Variants in MAD1L1 observed in about 807,000 individuals in gnomAD.
MAD1L1 encodes the protein mitotic spindle assembly checkpoint protein MAD1.
A neutral mutation model predicts 96.9 loss-of-function variants in MAD1L1; 95 were observed. The observed-to-expected ratio is 0.98, with a 90% CI of 0.83 to 1.16. The LOEUF is 1.16. Among genes scored for constraint, MAD1L1 ranks in the 50% most tolerant of loss-of-function variants. The pLI, the probability that MAD1L1 is intolerant of heterozygous loss-of-function variation, is 0.00. For synonymous variants in MAD1L1, 473 were observed against 396.6 expected (o/e 1.19, Z -2.29); for missense variants, 1,007 against 954.4 (o/e 1.06, Z -0.73).
At chr7:2,186,951 G>A (rs1024928045) in intron 10 of MAD1L1, among the ~76,000 whole-genome samples, 24 of 151,746 alleles carry the variant, frequency 1.6e-4, no homozygotes, top group African/African-American at 1.5e-4. Context: ...GCGCCACCAC[G>A]CCCGGCGAAT....
intron 13 of MAD1L1, among the ~76,000 whole-genome samples, chr7:2,007,387 C>A (rs968519100): frequency 2.6e-5 from 4 of 152,246 alleles, no homozygotes; most frequent in African/African-American, 4.8e-5. Context: ...CTGGCAATGT[C>A]TTAAGAAGTT....
intron 18 of MAD1L1, among the ~76,000 whole-genome samples, chr7:1,837,886 T>C (rs1422435232): frequency 1.3e-5 from 2 of 152,160 alleles, no homozygotes; most frequent in African/African-American, 2.4e-5. Context: ...TGGTAGCTCA[T>C]CAATAACGCA....
At chr7:1,895,614 C>T (rs1181280533) in intron 18 of MAD1L1, among the ~76,000 whole-genome samples, 2 of 152,360 alleles carry the variant, frequency 1.3e-5, no homozygotes, top group East Asian at 3.9e-4. Flanking sequence ...TGACACTGTC[C>T]ACCTGAGCCA....
chr7:1,818,844 C>T lies in MAD1L1; in HGVS notation c.1999-2616G>A, dbSNP rs115690250. Among the ~76,000 whole-genome samples, 1,214 of 148,542 alleles carry T rather than the reference C, an allele frequency of 8.2e-3. 21 individuals carry two copies. Among genetic ancestry groups the T allele is most frequent in the South Asian group, 0.049 (224 of 4,584 alleles). Reference sequence around the variant, plus strand: ...CTGGAAGAATGATGCCCTAATATACCGCGCTGCCCTCCAGGTGGGGGTGGG... The same window carrying T: ...CTGGAAGAATGATGCCCTAATATACTGCGCTGCCCTCCAGGTGGGGGTGGG... On this transcript the variant is annotated intron_variant, in intron 18 of 18. Transcript: ENST00000265854.
chr7:2,203,724 G>A (rs1792436864), intron 10 of MAD1L1, among the ~76,000 whole-genome samples: 1 of 152,206 alleles, frequency 6.6e-6, no homozygotes, highest in African/African-American at 2.4e-5. Flanking sequence ...AACTGTGGAA[G>A]GAGCCCCAAT....
intron 10 of MAD1L1, chr7:2,175,527 C>T (rs1243328122): frequency 6.8e-6 from 1 of 147,470 alleles, no homozygotes; most frequent in East Asian, 2.0e-4. Context: ...ACCCACCACA[C>T]TTCTCACTGC....
At chr7:1,972,520 C>T (rs1022286634) in intron 15 of MAD1L1, among the ~76,000 whole-genome samples, 2 of 152,044 alleles carry the variant, frequency 1.3e-5, no homozygotes, top group East Asian at 1.9e-4. Context: ...TAGTGATGGC[C>T]CCTATTTCAT....
chr7:1,891,623 G>A (rs1297278714), intron 18 of MAD1L1, among the ~76,000 whole-genome samples: 5 of 152,184 alleles, frequency 3.3e-5, no homozygotes, highest in Non-Finnish European at 5.9e-5. Context: ...TGTCACCCAG[G>A]CTAGAGTGCG....
intron 11 of MAD1L1, among the ~76,000 whole-genome samples, chr7:2,096,156 G>C (rs910885241): frequency 6.6e-6 from 1 of 152,246 alleles, no homozygotes; most frequent in African/African-American, 2.4e-5. Flanking sequence ...GTGCTCAGAA[G>C]AAAGGTGAAT....
At chr7:1,964,090 T>C (rs4721253) in intron 15 of MAD1L1, among the ~76,000 whole-genome samples, 149,717 of 152,272 alleles carry the variant, frequency 0.98, 73,647 homozygotes, top group Middle Eastern at 1. Context: ...ATCACAGAGC[T>C]GGTAAGGGGC....
chr7:2,118,489 G>C (rs117480587), intron 11 of MAD1L1, among the ~76,000 whole-genome samples: 1 of 152,346 alleles, frequency 6.6e-6, no homozygotes, highest in East Asian at 1.9e-4. Context: ...ACAGGGGTCT[G>C]CCCAGCATCC....
intron 14 of MAD1L1, among the ~76,000 whole-genome samples, chr7:1,990,778 A>G (rs1781373732): frequency 1.6e-5 from 2 of 125,254 alleles, no homozygotes; most frequent in African/African-American, 3.1e-5. Flanking sequence ...TGGCCTCACG[A>G]GCACCGCTGG....
In MAD1L1 at chr7:2,230,052, C is replaced by T; in HGVS notation, c.82G>A (p.Gly28Ser). The T allele has an allele frequency of 6.2e-7, 1 of 1,613,750 alleles. No individual in the cohort carries two copies. Among genetic ancestry groups the T allele is most frequent in the East Asian group, 2.2e-5 (1 of 44,876 alleles). The change falls in exon 3 of 19, where the codon GGC becomes AGC. Residue 28 changes from glycine to serine, a missense_variant. Physicochemically the swap from Gly to Ser is moderately conservative, Grantham distance 56. Coordinates refer to ENST00000265854, the MANE Select transcript of MAD1L1 (RefSeq NM_001013836.2). ...GAGGTAGAAATATCCAGTCCAGAGC[C>T]TCCCTCCACACGCTGAGAGATGAAG... ...NNFISQRVEG[G>S]SGLDISTSAP...
intron 18 of MAD1L1, among the ~76,000 whole-genome samples, chr7:1,844,017 G>A (rs1194058421): frequency 6.6e-6 from 1 of 152,222 alleles, no homozygotes; most frequent in Non-Finnish European, 1.5e-5. Context: ...GGGAAGGGCA[G>A]CAAGTGGAGC....
chr7:1,825,308 G>A (rs1767034163), intron 18 of MAD1L1, among the ~76,000 whole-genome samples: 4 of 152,200 alleles, frequency 2.6e-5, no homozygotes, highest in Non-Finnish European at 4.4e-5. Flanking sequence ...TCTGTGGGCT[G>A]CTGAGGCCGG....
At chr7:1,896,134 C>T (rs1346635023) in intron 18 of MAD1L1, among the ~76,000 whole-genome samples, 2 of 152,238 alleles carry the variant, frequency 1.3e-5, no homozygotes, top group East Asian at 3.9e-4. Flanking sequence ...CGCCTGCCTC[C>T]TCCTCCTGGG....
intron 17 of MAD1L1, among the ~76,000 whole-genome samples, chr7:1,921,453 T>C (rs555628161): frequency 6.6e-6 from 1 of 152,026 alleles, no homozygotes; most frequent in East Asian, 1.9e-4. Context: ...ATAGTACCTG[T>C]AGCTGGGACT....
At chr7:2,001,412 A>G (rs1230359084) in intron 14 of MAD1L1, among the ~76,000 whole-genome samples, 1 of 152,270 alleles carries the variant, frequency 6.6e-6, no homozygotes, top group Non-Finnish European at 1.5e-5. Context: ...TTTGTTCCCT[A>G]AAACAGTGGG....
chr7:2,045,645 G>A (rs1244768551), intron 12 of MAD1L1, among the ~76,000 whole-genome samples: 1 of 152,026 alleles, frequency 6.6e-6, no homozygotes, highest in Non-Finnish European at 1.5e-5. Context: ...ACCTGACGAT[G>A]CCCTGGAAAA....
Sources: allele counts gnomAD v4.1 joint callset (sites outside exome capture counted in the v4.1 genomes callset), GRCh38; gene constraint gnomAD v4.1.1; transcripts MANE v1.5; gene names NCBI Gene and HGNC (gene_info 2026-07-23, HGNC 2026-07-21).